NEBL: variants seen among roughly 807,000 people sequenced by gnomAD.
NEBL encodes LIM and SH3 protein 2.
A neutral mutation model predicts 140.2 loss-of-function variants in NEBL; 122 were observed. The observed-to-expected ratio is 0.87, with a 90% confidence interval of 0.75 to 1.01. The LOEUF is 1.01. Ranked by LOEUF, NEBL falls within the 50% of genes least tolerant of loss-of-function variation. NEBL has a pLI of 0.00. For missense variants in NEBL, 1,365 were observed against 1,231.3 expected (o/e 1.11, Z -1.62); for synonymous variants, 436 against 398.9 (o/e 1.09, Z -1.11).
intron 2 of NEBL, among the ~76,000 whole-genome samples, chr10:21,067,467 G>C (rs1375624037): frequency 6.6e-6 from 1 of 152,070 alleles, no homozygotes; most frequent in African/African-American, 2.4e-5. Context: ...TCATAAAAAA[G>C]AGAAAGCAGG....
At chr10:20,921,529 C>T (rs1241251724) in intron 4 of NEBL, among the ~76,000 whole-genome samples, 1 of 152,176 alleles carries the variant, frequency 6.6e-6, no homozygotes, top group Non-Finnish European at 1.5e-5. Flanking sequence ...ACTAAGTCTC[C>T]CTCTGGCAGC....
Position 20,972,783 on chromosome 10 carries a change from C to A in NEBL, c.250-11004G>T, listed in dbSNP as rs193214275. Among the ~76,000 whole-genome samples the A allele has an allele frequency of 9.2e-5, 14 of 151,936 alleles. No individual in the cohort carries two copies. In the East Asian group the frequency reaches 2.7e-3, roughly 29 times the overall value. On this transcript the variant is annotated intron_variant, in intron 3 of 6. Coordinates refer to the NEBL transcript ENST00000417816. ...AAAAATTAAAAAAAAAATGTAAATG[C>A]ATTATACTTAGTGTGTATACAAATG...
intron 2 of NEBL, chr10:21,125,619 G>A (rs932154682): frequency 1.3e-5 from 6 of 465,858 alleles, no homozygotes; most frequent in Non-Finnish European, 2.3e-5. Context: ...TAGAGGGAAT[G>A]TAAGTTTTGT....
intron 2 of NEBL, among the ~76,000 whole-genome samples, chr10:21,046,948 A>G (rs1225564730): frequency 1.3e-5 from 2 of 152,182 alleles, no homozygotes; most frequent in Non-Finnish European, 2.9e-5. Context: ...TTAATAACTA[A>G]TGGGGAAGAC....
chr10:21,070,985 C>G (rs1327754746), intron 2 of NEBL, among the ~76,000 whole-genome samples: 5 of 151,472 alleles, frequency 3.3e-5, no homozygotes, highest in Admixed American at 2.6e-4. Context: ...AAAACCAGCC[C>G]AGGCAACATA....
chr10:20,858,580 G>A (rs1418753523), intron 8 of NEBL, among the ~76,000 whole-genome samples: 1 of 152,002 alleles, frequency 6.6e-6, no homozygotes, highest in Non-Finnish European at 1.5e-5. Context: ...ATTCAGGAAG[G>A]GTAATGTCAA....
At chr10:20,827,845 T>A (rs1027652742) in intron 17 of NEBL, among the ~76,000 whole-genome samples, 8 of 152,134 alleles carry the variant, frequency 5.3e-5, no homozygotes, top group African/African-American at 1.9e-4. Context: ...TACCGCATTT[T>A]CTCACTTATA....
chr10:20,921,037 AG>A (rs1833557458), intron 4 of NEBL, among the ~76,000 whole-genome samples: 1 of 152,218 alleles, frequency 6.6e-6, no homozygotes, highest in Non-Finnish European at 1.5e-5. Context: ...TAATGACAGT[AG>A]GAACAGGGAA....
chr10:20,911,803 T>C (rs576681036), intron 4 of NEBL, among the ~76,000 whole-genome samples: 90 of 152,328 alleles, frequency 5.9e-4, no homozygotes, highest in African/African-American at 2.0e-3. Flanking sequence ...GCCAAGAGTA[T>C]GACTTTGAAA....
At chr10:20,849,107 A>G (rs74123506) in intron 11 of NEBL, among the ~76,000 whole-genome samples, 11,311 of 152,128 alleles carry the variant, frequency 0.074, 1,345 homozygotes, top group African/African-American at 0.25. Flanking sequence ...AGCATCCACT[A>G]TTTCTATCCC....
chr10:21,181,424 C>A (rs1196111801), intron 3 of NEBL, among the ~76,000 whole-genome samples: 2 of 151,732 alleles, frequency 1.3e-5, no homozygotes, highest in Non-Finnish European at 2.9e-5. Flanking sequence ...AGAGAGCTAT[C>A]ATATACTGTC....
chr10:21,199,651 C>T (rs1841703488), intron 3 of NEBL, among the ~76,000 whole-genome samples: 1 of 152,146 alleles, frequency 6.6e-6, no homozygotes, highest in Non-Finnish European at 1.5e-5. Context: ...GCATGGGTGG[C>T]CACCCACATA....
chr10:21,017,114 C>T (rs990443914), intron 3 of NEBL, among the ~76,000 whole-genome samples: 7 of 152,144 alleles, frequency 4.6e-5, no homozygotes, highest in Non-Finnish European at 7.4e-5. Context: ...AGACCTATTC[C>T]GTACCAGCTA....
intron 1 of NEBL, among the ~76,000 whole-genome samples, chr10:21,268,299 G>A (rs1284977026): frequency 1.3e-5 from 2 of 151,956 alleles, no homozygotes; most frequent in Non-Finnish European, 2.9e-5. Context: ...CAAGACCCCT[G>A]TCTCTTCGAA....
chr10:20,872,177 G>A (rs1028145485), intron 5 of NEBL, among the ~76,000 whole-genome samples: 1 of 152,096 alleles, frequency 6.6e-6, no homozygotes, highest in African/African-American at 2.4e-5. Context: ...GAAGAGAGGT[G>A]AACGGCACAA....
At chr10:21,071,084 A>G (rs1396799094) in intron 2 of NEBL, among the ~76,000 whole-genome samples, 1 of 151,810 alleles carries the variant, frequency 6.6e-6, no homozygotes, top group Non-Finnish European at 1.5e-5. Flanking sequence ...AGTCAGGAGG[A>G]TCACTTGAGC....
intron 3 of NEBL, among the ~76,000 whole-genome samples, chr10:21,242,505 AC>A (rs1461252395): frequency 6.6e-6 from 1 of 152,220 alleles, no homozygotes; most frequent in African/African-American, 2.4e-5. Context: ...CCTATCAGGT[AC>A]TATGCTTATT....
chr10:20,887,509 C>T, intron 4 of NEBL, among the ~76,000 whole-genome samples: 1 of 148,542 alleles, frequency 6.7e-6, no homozygotes, highest in Non-Finnish European at 1.5e-5. Context: ...GCCTCAACTT[C>T]CCAGGCTCAA....
At chr10:21,249,993 G>T (rs1467194043) in intron 2 of NEBL, among the ~76,000 whole-genome samples, 2 of 152,142 alleles carry the variant, frequency 1.3e-5, no homozygotes, top group Non-Finnish European at 1.5e-5. Context: ...GAGCCCTAGA[G>T]GCAGAGGTTG....
Sources: allele counts gnomAD v4.1 joint callset (sites outside exome capture counted in the v4.1 genomes callset), GRCh38; gene constraint gnomAD v4.1.1; transcripts MANE v1.5; gene names NCBI Gene and HGNC (gene_info 2026-07-23, HGNC 2026-07-21).